STXBP5L: variants seen among roughly 807,000 people sequenced by gnomAD.
The protein encoded by STXBP5L is syntaxin-binding protein 5-like.
In STXBP5L, 65 loss-of-function variants were observed where a neutral mutation model predicts 144.5. The observed-to-expected ratio is 0.45, with a 90% CI of 0.37 to 0.55. STXBP5L has a LOEUF of 0.55. STXBP5L is among the 20% of genes least tolerant of loss of function. The pLI is 0.00. For missense variants in STXBP5L, 1,298 were observed against 1,405.5 expected (o/e 0.92, Z 1.22); for synonymous variants, 505 against 469.6 (o/e 1.08, Z -0.97).
At chr3:121,001,172 CAT>C (rs1943745136) in intron 3 of STXBP5L, among the ~76,000 whole-genome samples, 1 of 152,170 alleles carries the variant, frequency 6.6e-6, no homozygotes, top group South Asian at 2.1e-4. Context: ...TGTGTACTGG[CAT>C]AGCCATTGGG....
intron 20 of STXBP5L, among the ~76,000 whole-genome samples, chr3:121,337,007 A>G (rs1267948614): frequency 6.6e-6 from 1 of 152,164 alleles, no homozygotes; most frequent in Non-Finnish European, 1.5e-5. Context: ...GGAACAGAAA[A>G]CCAAATACTG....
intron 3 of STXBP5L, among the ~76,000 whole-genome samples, chr3:121,026,542 A>T (rs531281590): frequency 3.3e-5 from 5 of 152,072 alleles, no homozygotes; most frequent in Non-Finnish European, 7.4e-5. Context: ...CATATGTACA[A>T]CAGTGCTCAA....
chr3:121,034,352 T>C (rs1181665837), intron 3 of STXBP5L, among the ~76,000 whole-genome samples: 7 of 152,120 alleles, frequency 4.6e-5, no homozygotes, highest in Admixed American at 3.3e-4. Context: ...GTGGACACGT[T>C]ATTTAACTCC....
At chr3:121,303,983 C>A in intron 19 of STXBP5L, among the ~76,000 whole-genome samples, 1 of 150,476 alleles carries the variant, frequency 6.6e-6, no homozygotes, top group Non-Finnish European at 1.5e-5. Flanking sequence ...ACATATGTAA[C>A]AAACCTGCAC....
In STXBP5L at chr3:121,168,731, T is replaced by C. The variant is rs890746867; in HGVS notation, c.877+11104T>C. 2.0e-5 allele frequency among the ~76,000 whole-genome samples: 3 copies of C among 152,102 alleles called. No individual in the cohort carries two copies. The South Asian group carries it at 6.2e-4, about 32-fold the overall frequency. ...TATGTTTGATTGGTGTACCTAAAAG[T>C]GAAGGAGAGTATGGAACCAAGCTGG... On this transcript the variant is annotated intron_variant, in intron 9 of 26. Transcript: ENST00000471454.
At chr3:120,993,501 G>T (rs186631907) in intron 3 of STXBP5L, among the ~76,000 whole-genome samples, 18 of 152,014 alleles carry the variant, frequency 1.2e-4, no homozygotes, top group Admixed American at 9.8e-4. Context: ...AGATTTAGGG[G>T]TCTAGTTTCA....
chr3:120,978,213 G>C, intron 3 of STXBP5L, among the ~76,000 whole-genome samples: 1 of 152,166 alleles, frequency 6.6e-6, no homozygotes, highest in East Asian at 1.9e-4. Context: ...TTTTCACCTA[G>C]TCCCATATTT....
intron 5 of STXBP5L, among the ~76,000 whole-genome samples, chr3:121,090,955 A>C (rs1386887642): frequency 8.5e-6 from 1 of 118,306 alleles, no homozygotes; most frequent in Middle Eastern, 6.0e-3. Context: ...CAGTCCCCAG[A>C]ATGTGATGTT....
At position 121,120,878 on chromosome 3, in the gene STXBP5L, C is replaced by T. The variant is rs567977097; in HGVS notation, c.606-763C>T. ...TGTGGAAAGTGGAGCAATAATAAAA[C>T]CCTTGTTATATCAGATCAGATCATA... On this transcript the variant is annotated intron_variant, in intron 6 of 26. Transcript: ENST00000471454. Among the ~76,000 whole-genome samples the T allele has an allele frequency of 3.3e-5, 5 of 151,250 alleles. 1 individual carries two copies. Among genetic ancestry groups the T allele is most frequent in the Admixed American group, 3.3e-4 (5 of 15,152 alleles).
chr3:121,186,726 A>C (rs559622562), intron 9 of STXBP5L, among the ~76,000 whole-genome samples: 2 of 152,076 alleles, frequency 1.3e-5, no homozygotes, highest in East Asian at 3.9e-4. Flanking sequence ...TTGCATTGAC[A>C]AACAACCCCA....
At chr3:121,028,227 G>A (rs868849212) in intron 3 of STXBP5L, among the ~76,000 whole-genome samples, 1 of 152,012 alleles carries the variant, frequency 6.6e-6, no homozygotes, top group Middle Eastern at 3.4e-3. Flanking sequence ...GTATTAAGTG[G>A]ATTGTTTGCT....
At chr3:120,961,871 C>T (rs927980930) in intron 3 of STXBP5L, among the ~76,000 whole-genome samples, 5 of 152,220 alleles carry the variant, frequency 3.3e-5, no homozygotes, top group Non-Finnish European at 5.9e-5. Context: ...AATAGTTGAA[C>T]TAGTTTACAC....
At chr3:121,123,667 C>T (rs1159930794) in intron 7 of STXBP5L, among the ~76,000 whole-genome samples, 1 of 151,248 alleles carries the variant, frequency 6.6e-6, no homozygotes, top group Non-Finnish European at 1.5e-5. Flanking sequence ...TTGTGTTGTT[C>T]AAATTTTTAT....
intron 3 of STXBP5L, among the ~76,000 whole-genome samples, chr3:121,039,381 C>T (rs1313105059): frequency 6.6e-6 from 1 of 151,666 alleles, no homozygotes; most frequent in Non-Finnish European, 1.5e-5. Context: ...TATTTCCCCT[C>T]CTATTGGCCT....
chr3:120,950,238 G>T (rs1029606622), intron 2 of STXBP5L, among the ~76,000 whole-genome samples: 1 of 151,872 alleles, frequency 6.6e-6, no homozygotes, highest in African/African-American at 2.4e-5. Flanking sequence ...TTTACATGTG[G>T]ATATAGAGTT....
At chr3:120,910,834 G>T (rs942983810) in intron 2 of STXBP5L, among the ~76,000 whole-genome samples, 1 of 152,032 alleles carries the variant, frequency 6.6e-6, no homozygotes, top group African/African-American at 2.4e-5. Flanking sequence ...TTACATAAAA[G>T]CAAGTTTATT....
rs551813013 is a variant in STXBP5L, at chr3:121,159,247, T to C, written c.877+1620T>C. ...TTAATATTTAGTTTGAGATATTTTC[T>C]ATAATTCCTATTATAATTCTCCTTT... On this transcript the variant is annotated intron_variant, in intron 9 of 26. Coordinates refer to ENST00000471454, the MANE Select transcript of STXBP5L (RefSeq NM_001308330.2). 2.4e-3 allele frequency among the ~76,000 whole-genome samples: 360 copies of C among 152,228 alleles called. 1 individual carries two copies. The highest frequency in any genetic ancestry group is 3.6e-3 in the Non-Finnish European group (242 of 67,998).
At chr3:120,985,664 T>C (rs1385381379) in intron 3 of STXBP5L, among the ~76,000 whole-genome samples, 2 of 152,030 alleles carry the variant, frequency 1.3e-5, no homozygotes, top group African/African-American at 2.4e-5. Flanking sequence ...TTTGTGTTTC[T>C]AGGAATTTGT....
chr3:121,289,833 ATGGAAAT>A (rs937394811), intron 19 of STXBP5L, among the ~76,000 whole-genome samples: 1 of 152,176 alleles, frequency 6.6e-6, no homozygotes, highest in African/African-American at 2.4e-5. Context: ...TGAAATCAAG[ATGGAAAT>A]TTAAAAATTC....
Sources: gnomAD v4.1 joint callset for allele counts (sites outside exome capture counted in the v4.1 genomes callset) on GRCh38, gnomAD v4.1.1 for gene constraint, MANE v1.5 for transcripts, NCBI Gene and HGNC (gene_info 2026-07-23, HGNC 2026-07-21) for gene names.